LARGE1: variants seen among roughly 807,000 people sequenced by gnomAD.
LARGE1 encodes the protein xylosyl- and glucuronyltransferase LARGE1.
LARGE1 carries 43 observed loss-of-function variants against 87.6 expected under a neutral mutation model. That is an observed-to-expected ratio of 0.49 (90% confidence interval 0.38 to 0.63). The LOEUF is 0.63. Among genes scored for constraint, LARGE1 ranks in the 30% least tolerant of loss-of-function variants. LARGE1 has a pLI of 0.00. For synonymous variants in LARGE1, 434 were observed against 394.6 expected (o/e 1.10, Z -1.18); for missense variants, 802 against 1,000.2 (o/e 0.80, Z 2.67).
intron 2 of LARGE1, among the ~76,000 whole-genome samples, chr22:33,743,709 G>A (rs768765846): frequency 1.3e-5 from 2 of 152,208 alleles, no homozygotes; most frequent in African/African-American, 4.8e-5. Context: ...CTTTGAGGTA[G>A]TCAGGGCAGA....
intron 11 of LARGE1, among the ~76,000 whole-genome samples, chr22:33,235,369 A>G (rs1926201520): frequency 6.6e-6 from 1 of 152,210 alleles, no homozygotes. Flanking sequence ...TTGCCCTCAG[A>G]CCTGCATGTT....
At chr22:33,713,144 G>A (rs1448174246) in intron 2 of LARGE1, among the ~76,000 whole-genome samples, 1 of 152,056 alleles carries the variant, frequency 6.6e-6, no homozygotes, top group African/African-American at 2.4e-5. Context: ...AAGAGTAGGG[G>A]GATAGATATA....
At chr22:33,794,097 C>G (rs554604626) in intron 1 of LARGE1, among the ~76,000 whole-genome samples, 1 of 152,102 alleles carries the variant, frequency 6.6e-6, no homozygotes, top group Non-Finnish European at 1.5e-5. Flanking sequence ...AGATGGGATG[C>G]CCAACCCCCA....
chr22:33,434,707 T>C (rs948826568), intron 6 of LARGE1, among the ~76,000 whole-genome samples: 1 of 152,202 alleles, frequency 6.6e-6, no homozygotes, highest in Admixed American at 6.5e-5. Flanking sequence ...ATACATTTTA[T>C]TTTGCCTGTT....
the LARGE1 span, among the ~76,000 whole-genome samples, chr22:33,120,404 TTCTTTCCTTCTTTCTTTCTTTC>T: frequency 5.1e-3 from 498 of 98,420 alleles, 8 homozygotes; most frequent in Middle Eastern, 0.023. Flanking sequence ...CTTTCTTTCT[TTCTTTCCTTCTTTCTTTCTTTC>T]TCTCTCTCTC....
chr22:33,566,248 CTT>C (rs1384477545), intron 5 of LARGE1, among the ~76,000 whole-genome samples: 3 of 152,174 alleles, frequency 2.0e-5, no homozygotes, highest in Non-Finnish European at 4.4e-5. Flanking sequence ...ACATGATACT[CTT>C]GTTTTTCTGA....
chr22:33,906,846 T>C (rs971504870), intron 1 of LARGE1, among the ~76,000 whole-genome samples: 4 of 151,934 alleles, frequency 2.6e-5, no homozygotes, highest in Non-Finnish European at 4.4e-5. Context: ...CCAAGCACAA[T>C]TACTCTAAGG....
chr22:33,666,873 A>C (rs906975708), intron 2 of LARGE1, among the ~76,000 whole-genome samples: 3 of 151,508 alleles, frequency 2.0e-5, no homozygotes, highest in African/African-American at 7.3e-5. Context: ...CCACAATGGG[A>C]GTGAGAATGC....
At chr22:33,403,824 G>A (rs2283903) in intron 7 of LARGE1, among the ~76,000 whole-genome samples, 4 of 151,830 alleles carry the variant, frequency 2.6e-5, no homozygotes, top group Admixed American at 6.6e-5. Flanking sequence ...GGCTTGTCTC[G>A]AACTCCTGAT....
At chr22:33,080,649 T>C in the LARGE1 span, among the ~76,000 whole-genome samples, 1 of 152,314 alleles carries the variant, frequency 6.6e-6, no homozygotes, top group African/African-American at 2.4e-5. Flanking sequence ...TAATGACTAA[T>C]ATCATATATA....
At chr22:33,140,537 C>A in the LARGE1 span, among the ~76,000 whole-genome samples, 1 of 152,166 alleles carries the variant, frequency 6.6e-6, no homozygotes, top group Non-Finnish European at 1.5e-5. Context: ...AATCTGGTGT[C>A]CTCTAATCAG....
chr22:33,845,609 A>G (rs2063407228), intron 1 of LARGE1, among the ~76,000 whole-genome samples: 1 of 152,226 alleles, frequency 6.6e-6, no homozygotes, highest in Non-Finnish European at 1.5e-5. Context: ...CGCCTGGCCT[A>G]TAATGGACCT....
exon 12 of LARGE1, chr22:33,162,816 G>A (rs971637494): frequency 1.3e-5 from 2 of 152,190 alleles, no homozygotes; most frequent in African/African-American, 4.8e-5. Flanking sequence ...AAATGTTATG[G>A]CACACTAAGT....
At chr22:33,763,703 C>T (rs1476309240) in intron 1 of LARGE1, among the ~76,000 whole-genome samples, 1 of 152,114 alleles carries the variant, frequency 6.6e-6, no homozygotes, top group Non-Finnish European at 1.5e-5. Flanking sequence ...TAAGATGATA[C>T]CCTTTATCTT....
chr22:33,472,213 A>C (rs1335861715), intron 6 of LARGE1, among the ~76,000 whole-genome samples: 1 of 152,160 alleles, frequency 6.6e-6, no homozygotes, highest in Non-Finnish European at 1.5e-5. Flanking sequence ...AGCATACTTT[A>C]AGGTCTTTGG....
At chr22:33,768,503 C>G (rs1157790834) in intron 1 of LARGE1, among the ~76,000 whole-genome samples, 1 of 151,972 alleles carries the variant, frequency 6.6e-6, no homozygotes, top group African/African-American at 2.4e-5. Flanking sequence ...AGATGTCTTT[C>G]CTCCTCTCTG....
chr22:33,307,759 G>A (rs1222173989), intron 11 of LARGE1, among the ~76,000 whole-genome samples: 1 of 151,916 alleles, frequency 6.6e-6, no homozygotes, highest in Non-Finnish European at 1.5e-5. Context: ...AATGAGATTG[G>A]TGCCCTTTTT....
At chr22:33,135,542 C>G in the LARGE1 span, among the ~76,000 whole-genome samples, 1 of 152,128 alleles carries the variant, frequency 6.6e-6, no homozygotes, top group South Asian at 2.1e-4. Context: ...AAAGCCTAAT[C>G]TAAAAGTGAG....
chr22:33,844,647 G>A (rs1417165793), intron 1 of LARGE1, among the ~76,000 whole-genome samples: 1 of 151,968 alleles, frequency 6.6e-6, no homozygotes, highest in African/African-American at 2.4e-5. Context: ...TGCCTACCGT[G>A]CGAACTTGGG....
Sources: gnomAD v4.1 joint callset for allele counts (sites outside exome capture counted in the v4.1 genomes callset) on GRCh38, gnomAD v4.1.1 for gene constraint, MANE v1.5 for transcripts, NCBI Gene and HGNC (gene_info 2026-07-23, HGNC 2026-07-21) for gene names.